PBX1: variants seen among roughly 807,000 people sequenced by gnomAD.
PBX1 encodes PBX homeobox 1.
PBX1 carries 6 observed loss-of-function variants against 53.4 expected under a neutral mutation model. The ratio of observed to expected loss-of-function variants is 0.11; its 90% CI spans 0.06 to 0.22. PBX1 has a LOEUF of 0.22. Among genes scored for constraint, PBX1 ranks in the 10% least tolerant of loss-of-function variants. PBX1 has a pLI of 1.00. For missense variants in PBX1, 251 were observed against 551.4 expected (o/e 0.46, Z 5.46); for synonymous variants, 204 against 212.3 (o/e 0.96, Z 0.34).
chr1:164,870,030 TTCTACTCA>T (rs1469786332), intron 2 of PBX1, among the ~76,000 whole-genome samples: 11 of 152,108 alleles, frequency 7.2e-5, no homozygotes, highest in Non-Finnish European at 1.5e-4. Context: ...GGACTACGAA[TTCTACTCA>T]GAAAGACCTG....
chr1:164,559,772 C>T lies in PBX1; in HGVS notation c.-51C>T, dbSNP rs755790509. 1.8e-5 allele frequency: 26 copies of T among 1,433,238 alleles called. No homozygotes were observed. Among genetic ancestry groups the T allele is most frequent in the Non-Finnish European group, 2.3e-5 (25 of 1,065,150 alleles). The allele number at this position is 1,433,238 out of a possible 1,614,324, so 88.8% of individuals were successfully genotyped here. On this transcript the variant is annotated 5_prime_UTR_variant, in exon 1 of 9. Coordinates refer to ENST00000420696, the MANE Select transcript of PBX1 (RefSeq NM_002585.4). ...AAAAGCCTTGGTGCTTCCCAGGAGC[C>T]GAGCCGAGGAGCAGAAGAGGAAGAG...
Position 164,849,087 on chromosome 1 carries a change from C to T in PBX1, c.*2411C>T, listed in dbSNP as rs768709724. On this transcript the variant is annotated 3_prime_UTR_variant, in exon 9 of 9. Coordinates refer to ENST00000420696, the MANE Select transcript of PBX1 (RefSeq NM_002585.4). ...GGCAGGAATATAATGAAACTACCCACGCAAGAACATGGTTGAATCACATTT... is the reference window on the plus strand; with the variant it reads ...GGCAGGAATATAATGAAACTACCCATGCAAGAACATGGTTGAATCACATTT... 101 of 1,323,702 alleles carry T rather than the reference C, an allele frequency of 7.6e-5. No homozygotes were observed. The highest frequency in any genetic ancestry group is 5.9e-5 in the Non-Finnish European group (61 of 1,033,066). The allele number at this position is 1,323,702 out of a possible 1,614,324, so 82.0% of individuals were successfully genotyped here.
intron 2 of PBX1, among the ~76,000 whole-genome samples, chr1:164,667,162 A>G (rs1026117128): frequency 1.3e-5 from 2 of 152,168 alleles, no homozygotes; most frequent in Non-Finnish European, 2.9e-5. Context: ...CAACTGCTCC[A>G]TCTTCATGAA....
chr1:164,587,597 A>G (rs1239208843), intron 2 of PBX1, among the ~76,000 whole-genome samples: 1 of 151,934 alleles, frequency 6.6e-6, no homozygotes, highest in African/African-American at 2.4e-5. Context: ...TGTAGAGTTT[A>G]TTCTCCCATT....
At chr1:164,651,464 C>T (rs1016464855) in intron 2 of PBX1, among the ~76,000 whole-genome samples, 1 of 152,050 alleles carries the variant, frequency 6.6e-6, no homozygotes, top group Non-Finnish European at 1.5e-5. Flanking sequence ...AGAGAGCGGG[C>T]CCTGCAGTGT....
At chr1:164,723,216 C>T (rs1184106145) in intron 2 of PBX1, among the ~76,000 whole-genome samples, 1 of 152,182 alleles carries the variant, frequency 6.6e-6, no homozygotes, top group East Asian at 1.9e-4. Context: ...GACACTCCTA[C>T]TAAAACCCAA....
intron 2 of PBX1, among the ~76,000 whole-genome samples, chr1:164,864,309 C>A (rs1208769638): frequency 6.6e-6 from 1 of 152,114 alleles, no homozygotes; most frequent in Non-Finnish European, 1.5e-5. Flanking sequence ...CAGTGTAAAT[C>A]TTTCTTGGAG....
intron 2 of PBX1, among the ~76,000 whole-genome samples, chr1:164,653,260 T>C (rs920649883): frequency 6.6e-6 from 1 of 152,214 alleles, no homozygotes; most frequent in African/African-American, 2.4e-5. Flanking sequence ...ATCTGTGTTA[T>C]TGCTTGCATC....
At chr1:164,731,729 C>T (rs749739123) in intron 2 of PBX1, among the ~76,000 whole-genome samples, 3 of 152,242 alleles carry the variant, frequency 2.0e-5, no homozygotes, top group Admixed American at 6.5e-5. Flanking sequence ...TGGCTAATTA[C>T]TGTAATTAAG....
At chr1:164,787,598 C>T (rs1668271597) in intron 2 of PBX1, 1 of 152,190 alleles carries the variant, frequency 6.6e-6, no homozygotes, top group Admixed American at 6.5e-5. Flanking sequence ...TTGACTATGC[C>T]TTTGGGTTTG....
Position 164,714,746 on chromosome 1 carries a change from T to C in PBX1, c.266-77748T>C, listed in dbSNP as rs533142786. On this transcript the variant is annotated intron_variant, in intron 2 of 8. Transcript: ENST00000420696. ...TTACTGTTCACAAGTGTTAGAATTA[T>C]GTCGTCCTAGAGCTGGAAGAACCCA... Among the ~76,000 whole-genome samples, 10 of 152,336 alleles carry C rather than the reference T, an allele frequency of 6.6e-5. No individual in the cohort carries two copies. In the South Asian group the frequency reaches 1.2e-3, roughly 19 times the overall value.
intron 2 of PBX1, among the ~76,000 whole-genome samples, chr1:164,872,420 C>G (rs1454353071): frequency 6.6e-6 from 1 of 152,200 alleles, no homozygotes; most frequent in Non-Finnish European, 1.5e-5. Flanking sequence ...CCATCATGCA[C>G]AAATGTTTAT....
chr1:164,735,216 T>C (rs1246138251), intron 2 of PBX1, among the ~76,000 whole-genome samples: 2 of 152,264 alleles, frequency 1.3e-5, no homozygotes, highest in Admixed American at 1.3e-4. Context: ...ACACTTGGCA[T>C]TGTAAGAATG....
intron 8 of PBX1, among the ~76,000 whole-genome samples, chr1:164,821,974 G>C (rs1226215938): frequency 6.6e-6 from 1 of 152,136 alleles, no homozygotes; most frequent in Admixed American, 6.5e-5. Flanking sequence ...TGGGAACCTG[G>C]GAGGTGAAAC....
intron 2 of PBX1, among the ~76,000 whole-genome samples, chr1:164,656,382 ATT>A (rs957194104): frequency 2.0e-5 from 3 of 152,140 alleles, no homozygotes; most frequent in Non-Finnish European, 4.4e-5. Context: ...TCTCATAGAA[ATT>A]TTTTGTCTTA....
chr1:164,780,511 G>A (rs1667879935), intron 2 of PBX1, among the ~76,000 whole-genome samples: 1 of 152,118 alleles, frequency 6.6e-6, no homozygotes, highest in South Asian at 2.1e-4. Flanking sequence ...TTGATGAATT[G>A]TAAATTTCAG....
At chr1:164,874,776 G>A (rs1672465691) in intron 2 of PBX1, among the ~76,000 whole-genome samples, 1 of 152,192 alleles carries the variant, frequency 6.6e-6, no homozygotes. Flanking sequence ...TTACAGGCGT[G>A]AGCCACTGTG....
chr1:164,763,979 T>C (rs966087733), intron 2 of PBX1, among the ~76,000 whole-genome samples: 2 of 152,240 alleles, frequency 1.3e-5, no homozygotes, highest in Admixed American at 1.3e-4. Flanking sequence ...TTGTGGAGAT[T>C]TATAGGATCA....
chr1:164,640,858 G>C (rs1659100498), intron 2 of PBX1, among the ~76,000 whole-genome samples: 1 of 152,054 alleles, frequency 6.6e-6, no homozygotes, highest in Non-Finnish European at 1.5e-5. Flanking sequence ...GCAGCGGCCG[G>C]TTCCTTGTGT....
Sources: gnomAD v4.1 joint callset for allele counts (sites outside exome capture counted in the v4.1 genomes callset) on GRCh38, gnomAD v4.1.1 for gene constraint, MANE v1.5 for transcripts, NCBI Gene and HGNC (gene_info 2026-07-23, HGNC 2026-07-21) for gene names.